ADRA1A: variants seen among roughly 807,000 people sequenced by gnomAD.
The protein encoded by ADRA1A is adrenoceptor alpha 1A.
Under a neutral mutation model 29.6 loss-of-function variants are expected in ADRA1A, and 31 were observed. The ratio of observed to expected loss-of-function variants is 1.05; its 90% CI spans 0.79 to 1.41. The LOEUF (loss-of-function observed/expected upper bound fraction) is 1.41, where lower values mean the gene tolerates loss of function less well. Ranked by LOEUF, ADRA1A falls within the 40% of genes most tolerant of loss-of-function variation. The pLI, the probability that ADRA1A is intolerant of heterozygous loss-of-function variation, is 0.00. For missense variants in ADRA1A, 619 were observed against 601.1 expected (o/e 1.03, Z -0.31); for synonymous variants, 311 against 254.3 (o/e 1.22, Z -2.12).
At position 26,806,072 on chromosome 8, in the gene ADRA1A, T is replaced by C. The variant is rs1445991375; in HGVS notation, c.884-35406A>G. On this transcript the variant is annotated intron_variant, in intron 2 of 2. Transcript: ENST00000380573. The surrounding 1 kb of genome is among the most constrained non-coding windows in gnomAD (Gnocchi z 4.6). ...GTGCTTGCTCTTCCTATTTTATCCT[T>C]CCAGGCATGTGGCAGCTTTACCTAA... Among the ~76,000 whole-genome samples, 3 of 152,210 alleles carry C rather than the reference T, an allele frequency of 2.0e-5. No homozygotes were observed. Among genetic ancestry groups the C allele is most frequent in the Non-Finnish European group, 4.4e-5 (3 of 68,040 alleles).
chr8:26,859,666 T>C (rs1813301600), intron 2 of ADRA1A, among the ~76,000 whole-genome samples: 1 of 152,156 alleles, frequency 6.6e-6, no homozygotes, highest in Non-Finnish European at 1.5e-5. Context: ...AGGAAGAAAT[T>C]GAGAGCCACA....
exon 3 of ADRA1A, chr8:26,756,670 C>A (rs753452867): frequency 6.2e-7 from 1 of 1,610,970 alleles, no homozygotes; most frequent in African/African-American, 1.3e-5. Flanking sequence ...GGGTGGATTC[C>A]AAAGACAGTG....
chr8:26,756,256 A>T (rs374714179), downstream of ADRA1A: 2 of 304,986 alleles, frequency 6.6e-6, no homozygotes, highest in South Asian at 5.2e-5. Flanking sequence ...GTCTTTTTAC[A>T]CTTTGTTTCA....
chr8:26,780,470 C>T (rs1806890326), intron 2 of ADRA1A, among the ~76,000 whole-genome samples: 1 of 152,226 alleles, frequency 6.6e-6, no homozygotes, highest in Non-Finnish European at 1.5e-5. Context: ...TGACCTCTCT[C>T]CCCTGTATCT....
chr8:26,839,123 G>A (rs1284731590), intron 2 of ADRA1A, among the ~76,000 whole-genome samples: 1 of 151,680 alleles, frequency 6.6e-6, no homozygotes, highest in Non-Finnish European at 1.5e-5. Context: ...TAATAAGGGT[G>A]CTAGTTAAGT....
At chr8:26,824,715 G>C (rs769702941) in intron 2 of ADRA1A, among the ~76,000 whole-genome samples, 8 of 152,148 alleles carry the variant, frequency 5.3e-5, no homozygotes, top group Admixed American at 4.6e-4. Context: ...TCTGAGCCAA[G>C]TGAAATCCCT....
intron 2 of ADRA1A, among the ~76,000 whole-genome samples, chr8:26,795,369 G>A (rs1475367106): frequency 1.3e-5 from 2 of 152,022 alleles, no homozygotes; most frequent in Non-Finnish European, 2.9e-5. Context: ...TCGATGCTGG[G>A]GGAAAATAAA....
intron 2 of ADRA1A, among the ~76,000 whole-genome samples, chr8:26,818,997 T>G (rs1287490769): frequency 1.3e-5 from 2 of 152,160 alleles, no homozygotes; most frequent in African/African-American, 2.4e-5. Context: ...ATGTTCAGAC[T>G]TCCACCAAAA....
At chr8:26,760,058 C>G (rs1478504327) in intron 2 of ADRA1A, among the ~76,000 whole-genome samples, 1 of 152,220 alleles carries the variant, frequency 6.6e-6, no homozygotes, top group Non-Finnish European at 1.5e-5. Context: ...GGCATGGTGT[C>G]TTGCCCAGAA....
exon 3 of ADRA1A, chr8:26,756,749 G>A (rs764821850): frequency 6.2e-7 from 1 of 1,614,156 alleles, no homozygotes; most frequent in East Asian, 2.2e-5. Context: ...TCGTGGACGG[G>A]AAGCTGGCTT....
At chr8:26,845,388 A>G (rs1352547133) in intron 2 of ADRA1A, among the ~76,000 whole-genome samples, 1 of 152,224 alleles carries the variant, frequency 6.6e-6, no homozygotes, top group Non-Finnish European at 1.5e-5. Context: ...ATCACTAGAG[A>G]TACTATTTCA....
chr8:26,780,295 T>C (rs1049193419), intron 2 of ADRA1A, among the ~76,000 whole-genome samples: 2 of 152,168 alleles, frequency 1.3e-5, no homozygotes, highest in African/African-American at 4.8e-5. Flanking sequence ...CAAATGCCTA[T>C]GTTGGAGGCA....
chr8:26,832,787 TG>T (rs954226608), intron 2 of ADRA1A, among the ~76,000 whole-genome samples: 2 of 151,904 alleles, frequency 1.3e-5, no homozygotes, highest in Non-Finnish European at 2.9e-5. Context: ...GCAAGCAGGA[TG>T]GGGTGGAAGG....
At chr8:26,818,110 A>G (rs1809890630) in intron 2 of ADRA1A, among the ~76,000 whole-genome samples, 1 of 152,206 alleles carries the variant, frequency 6.6e-6, no homozygotes, top group Admixed American at 6.5e-5. Flanking sequence ...CATTTATATG[A>G]CATTTTTACA....
At chr8:26,758,753 A>G (rs1278630034) in intron 2 of ADRA1A, among the ~76,000 whole-genome samples, 1 of 152,198 alleles carries the variant, frequency 6.6e-6, no homozygotes, top group African/African-American at 2.4e-5. Context: ...ACGTTTAGCA[A>G]GCTAAGAGGT....
intron 2 of ADRA1A, among the ~76,000 whole-genome samples, chr8:26,837,107 G>C (rs1811432286): frequency 6.6e-6 from 1 of 151,482 alleles, no homozygotes; most frequent in South Asian, 2.1e-4. Context: ...ACAATGGCTA[G>C]TATATAAGTG....
At chr8:26,837,738 A>G (rs2322333) in intron 2 of ADRA1A, among the ~76,000 whole-genome samples, 89,705 of 151,562 alleles carry the variant, frequency 0.59, 26,597 homozygotes, top group South Asian at 0.63. Flanking sequence ...TTATAGCACA[A>G]GGAAAAAAGC....
chr8:26,864,036 G>C lies in ADRA1A; in HGVS notation c.883+51C>G. The C allele has an allele frequency of 1.3e-6, 2 of 1,544,618 alleles. No individual in the cohort carries two copies. Among genetic ancestry groups the C allele is most frequent in the African/African-American group, 2.7e-5 (2 of 72,784 alleles). On this transcript the variant is annotated intron_variant, in intron 2 of 2. Transcript: ENST00000380573. The surrounding 1 kb of genome is among the most constrained non-coding windows in gnomAD (Gnocchi z 8.1). ...CTGGGAGTCTGGGGTAACAGAAGCC[G>C]AGGAGGGTGAAGACCCCCAGATGCT...
intron 2 of ADRA1A, among the ~76,000 whole-genome samples, chr8:26,830,033 A>G (rs1810861186): frequency 6.6e-6 from 1 of 152,130 alleles, no homozygotes; most frequent in South Asian, 2.1e-4. Context: ...AGACAGCACT[A>G]AGTGTATATT....
Sources: gnomAD v4.1 joint callset for allele counts (sites outside exome capture counted in the v4.1 genomes callset) on GRCh38, gnomAD v4.1.1 for gene constraint, Gnocchi (gnomAD v3.1) non-coding constraint, MANE v1.5 for transcripts, NCBI Gene and HGNC (gene_info 2026-07-23, HGNC 2026-07-21) for gene names.